The following DYRK3 variants were observed in gnomAD, a reference collection of about 807,000 sequenced individuals.
DYRK3 encodes the protein dual specificity tyrosine-phosphorylation-regulated kinase 3.
Under a neutral mutation model 40.8 loss-of-function variants are expected in DYRK3, and 30 were observed. That is an observed-to-expected ratio of 0.74 (90% CI 0.55 to 1.00). The LOEUF is 1.00. Ranked by LOEUF, DYRK3 falls within the 50% of genes least tolerant of loss-of-function variation. The pLI is 0.00. For synonymous variants in DYRK3, 272 were observed against 260.7 expected (o/e 1.04, Z -0.42); for missense variants, 699 against 731.5 (o/e 0.96, Z 0.51).
chr1:206,642,485 T>A (rs1671319474), intron 2 of DYRK3, among the ~76,000 whole-genome samples: 1 of 152,310 alleles, frequency 6.6e-6, no homozygotes, highest in Middle Eastern at 3.4e-3. Flanking sequence ...CACATGTATG[T>A]TTATTGTGGC....
At chr1:206,636,995 G>T in intron 1 of DYRK3, 2 of 1,542,740 alleles carry the variant, frequency 1.3e-6, no homozygotes, top group South Asian at 2.2e-5. Context: ...TTATAATTTA[G>T]AGCATCCTTT....
At chr1:206,638,476 A>G (rs1553418740) in intron 2 of DYRK3, among the ~76,000 whole-genome samples, 4 of 151,090 alleles carry the variant, frequency 2.6e-5, no homozygotes, top group Admixed American at 2.0e-4. Context: ...GGGTTTCACC[A>G]TGTTGGTCAG....
rs1671688745 is a variant in DYRK3, at chr1:206,653,735, T to C, written c.*4770T>C. On this transcript the variant is annotated 3_prime_UTR_variant, in exon 3 of 3. Coordinates refer to ENST00000367109, the MANE Select transcript of DYRK3 (RefSeq NM_003582.4). ...GAATACCACCAAAACCTAACTATGA[T>C]GTAAGGATTCTGCTTCTGCCCCACA... is the stretch of plus-strand genomic sequence containing the variant. Among the ~76,000 whole-genome samples the C allele has an allele frequency of 6.6e-6, 1 of 152,212 alleles. No individual in the cohort carries two copies. The highest frequency in any genetic ancestry group is 2.1e-4 in the South Asian group (1 of 4,830).
At chr1:206,637,846 C>T (rs1572439752) in intron 2 of DYRK3, 85 bp downstream of exon 2, 2 of 993,072 alleles carry the variant, frequency 2.0e-6, no homozygotes, top group Non-Finnish European at 3.0e-6. Flanking sequence ...ACTTATGTAT[C>T]ACTGACAACC....
chr1:206,642,931 A>G (rs1671332615), intron 2 of DYRK3, among the ~76,000 whole-genome samples: 1 of 151,366 alleles, frequency 6.6e-6, no homozygotes, highest in Non-Finnish European at 1.5e-5. Flanking sequence ...TAATAATAAT[A>G]ATAAAAATAT....
chr1:206,643,447 C>A (rs1216554257), intron 2 of DYRK3, among the ~76,000 whole-genome samples: 8 of 152,142 alleles, frequency 5.3e-5, no homozygotes, highest in African/African-American at 1.9e-4. Context: ...GAAATGAAGA[C>A]CTTCAGAGCC....
rs374559497 is a variant in DYRK3 at position 206,647,639 on chromosome 1, G to T, written c.441G>T (p.Leu147=). The T allele has an allele frequency of 6.2e-7, 1 of 1,614,100 alleles. No homozygotes were observed. Among genetic ancestry groups the T allele is most frequent in the African/African-American group, 1.3e-5 (1 of 75,012 alleles). The change falls in exon 3 of 3, where the codon CTG becomes CTT. Residue 147 remains leucine, a synonymous_variant. Transcript: ENST00000367109. ...TGCCTCTGACTCCAGAACAAGCCCTGAAGCAATATAAACACCACCTCACTG... is the reference window on the plus strand; with the variant it reads ...TGCCTCTGACTCCAGAACAAGCCCTTAAGCAATATAAACACCACCTCACTG... ...KVVPLTPEQA[L]KQYKHHLTAY... is the part of the protein sequence containing the mutation.
chr1:206,647,328 G>A (rs1485406141), intron 2 of DYRK3, 60 bp from the exon 3 acceptor site: 3 of 1,471,828 alleles, frequency 2.0e-6, no homozygotes, highest in African/African-American at 1.4e-5. Context: ...GTTGGAGGAG[G>A]GAGGATTCTT....
rs1467960869 is a variant in DYRK3, at chr1:206,654,231, T to C, written c.*5266T>C. ...GTTGGAAAGGTGACAATGATTGTTCTAGACTGCCTCTGTAATGCTTTTTCT... is the reference window on the plus strand; with the variant it reads ...GTTGGAAAGGTGACAATGATTGTTCCAGACTGCCTCTGTAATGCTTTTTCT... On this transcript the variant is annotated 3_prime_UTR_variant, in exon 3 of 3. Transcript: ENST00000367109. Among the ~76,000 whole-genome samples the C allele has an allele frequency of 6.6e-6, 1 of 152,272 alleles. No homozygotes were observed. The highest frequency in any genetic ancestry group is 1.5e-5 in the Non-Finnish European group (1 of 68,054).
At chr1:206,644,719 T>C (rs1671399523) in intron 2 of DYRK3, among the ~76,000 whole-genome samples, 1 of 152,318 alleles carries the variant, frequency 6.6e-6, no homozygotes, top group South Asian at 2.1e-4. Context: ...TTTGTATTTT[T>C]AGTAGAGACA....
At chr1:206,636,329 C>T (rs962984499) in intron 1 of DYRK3, 15 of 171,586 alleles carry the variant, frequency 8.7e-5, no homozygotes, top group African/African-American at 1.7e-4. Context: ...CCCTTGCTCC[C>T]CGCTTTATTT....
In DYRK3 at chr1:206,651,891, A is replaced by G. The variant is rs1374757169; in HGVS notation, c.*2926A>G. ...ATATCAACATTAGCAGCCTGTTCCC[A>G]CTCAGGTGCTGTCCAAGGCACATGT... On this transcript the variant is annotated 3_prime_UTR_variant, in exon 3 of 3. Coordinates refer to ENST00000367109, the MANE Select transcript of DYRK3 (RefSeq NM_003582.4). Among the ~76,000 whole-genome samples the G allele has an allele frequency of 6.6e-6, 1 of 152,188 alleles. No individual in the cohort carries two copies. Among genetic ancestry groups the G allele is most frequent in the African/African-American group, 2.4e-5 (1 of 41,440 alleles).
At position 206,647,931 on chromosome 1, in the gene DYRK3, C is replaced by A; in HGVS notation, c.733C>A (p.Arg245Ser). ...VALKMVRNEK[R>S]FHRQAAEEIR... ...CCTAAAAATGGTGCGCAATGAGAAG[C>A]GCTTTCATCGTCAAGCAGCTGAGGA... Residue 245 changes from arginine (R) to serine (S), a missense_variant, in exon 3 of 3, where the codon CGC becomes AGC. By Grantham distance (110) the Arg-to-Ser change is moderately radical. Coordinates refer to ENST00000367109, the MANE Select transcript of DYRK3 (RefSeq NM_003582.4). The A allele has an allele frequency of 1.2e-6, 2 of 1,614,016 alleles. No individual in the cohort carries two copies. The highest frequency in any genetic ancestry group is 1.7e-6 in the Non-Finnish European group (2 of 1,180,006).
Position 206,647,491 on chromosome 1 carries a change from A to G in DYRK3, c.293A>G (p.Asn98Ser). 1 of 1,614,192 alleles carries G rather than the reference A, an allele frequency of 6.2e-7. No individual in the cohort carries two copies. Among genetic ancestry groups the G allele is most frequent in the Non-Finnish European group, 8.5e-7 (1 of 1,180,036 alleles). The part of the protein sequence containing the change: ...LFQEFGNRKS[N>S]TIQSDGISDS... ...CAAGAATTTGGCAACAGAAAATCCA[A>G]TACTATTCAGTCAGATGGCATCAGT... The change falls in exon 3 of 3, where the codon AAT becomes AGT. Residue 98 changes from asparagine to serine, a missense_variant. By Grantham distance (46) the Asn-to-Ser change is conservative. Transcript: ENST00000367109.
At position 206,649,120 on chromosome 1, in the gene DYRK3, C is replaced by A. The variant is rs782074368; in HGVS notation, c.*155C>A. On this transcript the variant is annotated 3_prime_UTR_variant, in exon 3 of 3. Coordinates refer to ENST00000367109, the MANE Select transcript of DYRK3 (RefSeq NM_003582.4). ...ATTTTTATATGATTATAAAAGAATTCTTCAAGGGCTAATTACCTAACCAGC... is the reference window on the plus strand; with the variant it reads ...ATTTTTATATGATTATAAAAGAATTATTCAAGGGCTAATTACCTAACCAGC... 10 of 798,438 alleles carry A rather than the reference C, an allele frequency of 1.3e-5. No individual in the cohort carries two copies. The highest frequency in any genetic ancestry group is 1.7e-5 in the Non-Finnish European group (9 of 530,780). The allele number at this position is 798,438 out of a possible 1,614,324, so 49.5% of individuals were successfully genotyped here.
At position 206,651,262 on chromosome 1, in the gene DYRK3, A is replaced by G. The variant is rs1553421272; in HGVS notation, c.*2297A>G. On this transcript the variant is annotated 3_prime_UTR_variant, in exon 3 of 3. Coordinates refer to ENST00000367109, the MANE Select transcript of DYRK3 (RefSeq NM_003582.4). ...TCTACCTCATGATCTGCTAGTCGAG[A>G]TAGTGACTCTTTGGAAGTTGGTAGT... Among the ~76,000 whole-genome samples, 2 of 152,194 alleles carry G rather than the reference A, an allele frequency of 1.3e-5. No homozygotes were observed. Among genetic ancestry groups the G allele is most frequent in the Admixed American group, 6.5e-5 (1 of 15,278 alleles).
In DYRK3 at chr1:206,652,272, C is replaced by T. The variant is rs1019886464; in HGVS notation, c.*3307C>T. On this transcript the variant is annotated 3_prime_UTR_variant, in exon 3 of 3. Transcript: ENST00000367109. ...TTGTTATCAGTGTTGAAGAACTGCT[C>T]CTGTAAGCAAACTGTTAAAAGCATT... Among the ~76,000 whole-genome samples, 5 of 152,118 alleles carry T rather than the reference C, an allele frequency of 3.3e-5. No individual in the cohort carries two copies. The highest frequency in any genetic ancestry group is 7.2e-5 in the African/African-American group (3 of 41,414).
rs1404075866 is a variant in DYRK3, at chr1:206,652,224, A to G, written c.*3259A>G. Among the ~76,000 whole-genome samples the G allele has an allele frequency of 6.6e-6, 1 of 152,228 alleles. No individual in the cohort carries two copies. The highest frequency in any genetic ancestry group is 1.5e-5 in the Non-Finnish European group (1 of 68,040). ...ATCTCCTGCATTATCTAGGCAGAGC[A>G]TATGTTGAGGTTGTTTTGCCAGTTG... On this transcript the variant is annotated 3_prime_UTR_variant, in exon 3 of 3. Coordinates refer to ENST00000367109, the MANE Select transcript of DYRK3 (RefSeq NM_003582.4).
rs556718022 is a variant in DYRK3 at position 206,644,031 on chromosome 1, C to CTTTTTTTTTTTTTTTTTTTT, written c.190-3355_190-3336dup. Among the ~76,000 whole-genome samples, 11 of 101,056 alleles carry CTTTTTTTTTTTTTTTTTTTT rather than the reference C, an allele frequency of 1.1e-4. 1 individual carries two copies. The highest frequency in any genetic ancestry group is 1.9e-4 in the African/African-American group (5 of 26,454). 66.3% of individuals were successfully genotyped at this position (101,056 alleles called of 152,430 possible). A position where few individuals can be genotyped will look rare whatever the true frequency, so the allele number is the denominator to read the frequency against. The stretch of plus-strand genomic sequence containing the variant: ...TCAGGAAGGCAACAGGGACCTACAG[C>CTTTTTTTTTTTTTTTTTTTT]TTTTTTTTTTTTTTTTTTTTTGAGA... On this transcript the variant is annotated intron_variant, in intron 2 of 2. Transcript: ENST00000367109.
Sources: gnomAD v4.1 joint callset for allele counts (sites outside exome capture counted in the v4.1 genomes callset) on GRCh38, gnomAD v4.1.1 for gene constraint, MANE v1.5 for transcripts, NCBI Gene and HGNC (gene_info 2026-07-23, HGNC 2026-07-21) for gene names.